Variants in MYH14 observed in about 807,000 individuals in gnomAD.
MYH14 encodes myosin heavy chain 14.
A neutral mutation model predicts 255.5 loss-of-function variants in MYH14; 123 were observed. That is an observed-to-expected ratio of 0.48 (90% CI 0.42 to 0.56). The LOEUF is 0.56. MYH14 is among the 20% of genes least tolerant of loss of function. The pLI is 0.00. For synonymous variants in MYH14, 1,095 were observed against 1,161.2 expected (o/e 0.94, Z 1.16); for missense variants, 2,423 against 2,802.3 (o/e 0.86, Z 3.06).
intron 34 of MYH14, among the ~76,000 whole-genome samples, chr19:50,286,986 C>T (rs1398292119): frequency 6.6e-6 from 1 of 152,084 alleles, no homozygotes; most frequent in Non-Finnish European, 1.5e-5. Flanking sequence ...GGCATGGTGG[C>T]ACATGCCTGT....
At position 50,225,294 on chromosome 19, in the gene MYH14, C is replaced by T. The variant is rs590217; in HGVS notation, c.718-291C>T. On this transcript the variant is annotated intron_variant, in intron 6 of 42. Coordinates refer to ENST00000642316, the MANE Select transcript of MYH14 (RefSeq NM_001145809.2). Reference sequence around the variant, plus strand: ...GTTTTGTGGCGTTTCTTCCTTAATTCATTTCTTATTAATGGGATAACATTG... The same window carrying T: ...GTTTTGTGGCGTTTCTTCCTTAATTTATTTCTTATTAATGGGATAACATTG... Among the ~76,000 whole-genome samples, 1,958 of 152,266 alleles carry T rather than the reference C, an allele frequency of 0.013. 79 individuals carry two copies. The East Asian group carries it at 0.15, about 11-fold the overall frequency.
intron 22 of MYH14, among the ~76,000 whole-genome samples, chr19:50,263,986 G>T (rs2034984090): frequency 6.8e-6 from 1 of 146,728 alleles, no homozygotes; most frequent in Non-Finnish European, 1.5e-5. Context: ...AAACCTAGGA[G>T]GTGGAGGTTG....
Position 50,293,098 on chromosome 19 carries a change from C to A in MYH14, c.5257-135C>A. 1.4e-6 allele frequency: 1 copy of A among 697,964 alleles called. No individual in the cohort carries two copies. The allele number at this position is 697,964 out of a possible 1,614,324, so 43.2% of individuals were successfully genotyped here. A position where few individuals can be genotyped will look rare whatever the true frequency, so the allele number is the denominator to read the frequency against. Reference sequence around the variant, plus strand: ...TTTAGGAGACATCTGTAGGTTGCAGCTCATTCCAGGGTTACCCAGGGACAG... The same window carrying A: ...TTTAGGAGACATCTGTAGGTTGCAGATCATTCCAGGGTTACCCAGGGACAG... On this transcript the variant is annotated intron_variant, in intron 37 of 42. Coordinates refer to ENST00000642316, the MANE Select transcript of MYH14 (RefSeq NM_001145809.2). The surrounding 1 kb of genome is among the most constrained non-coding windows in gnomAD (Gnocchi z 4.1).
Position 50,280,116 on chromosome 19 carries a change from C to T in MYH14, c.4112C>T (p.Thr1371Ile). 1 of 1,607,494 alleles carries T rather than the reference C, an allele frequency of 6.2e-7. No homozygotes were observed. The highest frequency in any genetic ancestry group is 8.5e-7 in the Non-Finnish European group (1 of 1,177,140). ...TIRLSKELSSTEAQLHDAQEL... is the reference protein window; with the variant it reads ...TIRLSKELSSIEAQLHDAQEL... The stretch of plus-strand genomic sequence containing the variant: ...CGTCTTAGCAAGGAGCTGAGCAGCA[C>T]AGAAGCCCAGCTGCACGATGCCCAG... The change falls in exon 31 of 43, where the codon ACA (threonine) becomes ATA (isoleucine). Residue 1371 changes from threonine (T) to isoleucine (I), a missense_variant. Transcript: ENST00000642316. This position sits in a 1 kb window ranked among gnomAD's most constrained non-coding sequence, Gnocchi z 4.8.
At chr19:50,308,762 C>T (rs2036738956) in intron 41 of MYH14, 1 of 520,714 alleles carries the variant, frequency 1.9e-6, no homozygotes, top group Non-Finnish European at 3.4e-6. Flanking sequence ...TCTGGGTCAG[C>T]TCTGGGTATA....
At position 50,276,994 on chromosome 19, in the gene MYH14, T is replaced by C. The variant is rs2123408765; in HGVS notation, c.3825+93T>C. 1 of 928,108 alleles carries C rather than the reference T, an allele frequency of 1.1e-6. No homozygotes were observed. The highest frequency in any genetic ancestry group is 1.6e-5 in the South Asian group (1 of 62,658). The allele number at this position is 928,108 out of a possible 1,614,324, so 57.5% of individuals were successfully genotyped here. A position where few individuals can be genotyped will look rare whatever the true frequency, so the allele number is the denominator to read the frequency against. On this transcript the variant is annotated intron_variant, in intron 29 of 42. Transcript: ENST00000642316. This position sits in a 1 kb window ranked among gnomAD's most constrained non-coding sequence, Gnocchi z 4.3. Reference sequence around the variant, plus strand: ...GAGGTACCGCTGGCTGGTTCTAGGCTAGCTCATCTCCCTGGGCCCCTTTCC... The same window carrying C: ...GAGGTACCGCTGGCTGGTTCTAGGCCAGCTCATCTCCCTGGGCCCCTTTCC...
In MYH14 at chr19:50,280,259, A is replaced by G. The variant is rs1159026652; in HGVS notation, c.4166A>G (p.Lys1389Arg). The G allele has an allele frequency of 1.0e-5, 16 of 1,551,534 alleles. No homozygotes were observed. The highest frequency in any genetic ancestry group is 2.0e-5 in the Admixed American group (1 of 50,970). ...QELLQEETRA[K>R]LALGSRVRAM... is the part of the protein sequence containing the mutation. ...CTGCTGCAGGAGGAGACCAGGGCGA[A>G]ATTGGCCTTGGGGTCCCGGGTGCGA... The change falls in exon 32 of 43, where the codon AAA becomes AGA. Residue 1389 changes from lysine to arginine, a missense_variant. Transcript: ENST00000642316. The surrounding 1 kb of genome is among the most constrained non-coding windows in gnomAD (Gnocchi z 4.8).
chr19:50,255,626 A>C (rs1267504224), intron 17 of MYH14, among the ~76,000 whole-genome samples: 2 of 152,140 alleles, frequency 1.3e-5, no homozygotes, highest in African/African-American at 4.8e-5. Context: ...CCCATTACAC[A>C]AATGAGGAAA....
At chr19:50,291,698 C>G (rs1410101834) in intron 36 of MYH14, among the ~76,000 whole-genome samples, 2 of 151,968 alleles carry the variant, frequency 1.3e-5, no homozygotes, top group Admixed American at 1.3e-4. Context: ...AACCCTGTTT[C>G]TACTAAAAAT....
chr19:50,280,455 AG>A lies in MYH14; in HGVS notation c.4290+75del. On this transcript the variant is annotated intron_variant, in intron 32 of 42. Transcript: ENST00000642316. This position sits in a 1 kb window ranked among gnomAD's most constrained non-coding sequence, Gnocchi z 4.8. ...CTGCTCCTCCTGGGTTCCCCAGCTCAGGGATGGCCATGCTGCCCACCTTCTC... is the reference window on the plus strand; with the variant it reads ...CTGCTCCTCCTGGGTTCCCCAGCTCAGGATGGCCATGCTGCCCACCTTCTC... 3 of 1,429,694 alleles carry A rather than the reference AG, an allele frequency of 2.1e-6. No homozygotes were observed. The highest frequency in any genetic ancestry group is 2.8e-6 in the Non-Finnish European group (3 of 1,076,770). 88.6% of individuals were successfully genotyped at this position (1,429,694 alleles called of 1,614,324 possible).
chr19:50,219,330 A>G (rs911397223), intron 3 of MYH14, among the ~76,000 whole-genome samples: 3 of 151,734 alleles, frequency 2.0e-5, no homozygotes, highest in Non-Finnish European at 4.4e-5. Flanking sequence ...CAAATGATAT[A>G]TCTACTTTTG....
intron 17 of MYH14, among the ~76,000 whole-genome samples, chr19:50,257,074 A>G (rs890929337): frequency 3.9e-5 from 6 of 152,194 alleles, no homozygotes; most frequent in Admixed American, 3.9e-4. Context: ...CTAATCTCGG[A>G]TCTTCAGTTT....
intron 21 of MYH14, 21 bp downstream of exon 21, chr19:50,261,656 C>T (rs781104205): frequency 1.1e-5 from 17 of 1,569,836 alleles, no homozygotes; most frequent in Admixed American, 1.1e-4. Context: ...ACGCTGTCTC[C>T]CGGGGTCCTG....
intron 11 of MYH14, among the ~76,000 whole-genome samples, chr19:50,246,117 T>TTCCTTCCC (rs2034114463): frequency 8.6e-6 from 1 of 116,686 alleles, no homozygotes; most frequent in Admixed American, 1.0e-4. Context: ...CCTTTCTTCC[T>TTCCTTCCC]TCCTTCCTTC....
At chr19:50,289,685 G>C (rs770555618) in intron 35 of MYH14, 37 bp downstream of exon 35, 27 of 1,556,938 alleles carry the variant, frequency 1.7e-5, no homozygotes, top group Non-Finnish European at 2.3e-5. Context: ...TGCCAGTCCA[G>C]CTGGGGTATG....
chr19:50,268,422 A>G (rs2035175801), intron 24 of MYH14, 55 bp downstream of exon 24: 1 of 1,509,340 alleles, frequency 6.6e-7, no homozygotes, highest in Non-Finnish European at 8.9e-7. Context: ...TGTCTACACC[A>G]TCCACCTTTG....
chr19:50,244,216 CGTG>C, intron 10 of MYH14, 23 bp from the exon 11 acceptor site: 1 of 1,606,762 alleles, frequency 6.2e-7, no homozygotes, highest in South Asian at 1.1e-5. Flanking sequence ...CAGAGCCACA[CGTG>C]ACCTCTGTCC....
rs1355927699 is a variant in MYH14 at position 50,289,660 on chromosome 19, C to T, written c.4965+12C>T. 6.3e-6 allele frequency: 10 copies of T among 1,596,128 alleles called. No individual in the cohort carries two copies. The highest frequency in any genetic ancestry group is 8.5e-6 in the Non-Finnish European group (10 of 1,172,586). On this transcript the variant is annotated intron_variant, in intron 35 of 42. Coordinates refer to ENST00000642316, the MANE Select transcript of MYH14 (RefSeq NM_001145809.2). Reference sequence around the variant, plus strand: ...AGCTGGCCAAGCAGGTATTGTCACACAGAAGGCCACAGGGTGCCAGTCCAG... The same window carrying T: ...AGCTGGCCAAGCAGGTATTGTCACATAGAAGGCCACAGGGTGCCAGTCCAG...
intron 16 of MYH14, among the ~76,000 whole-genome samples, chr19:50,253,081 A>G (rs1487731064): frequency 1.3e-5 from 2 of 152,214 alleles, no homozygotes; most frequent in Admixed American, 6.5e-5. Flanking sequence ...TCAGACCAGA[A>G]AAAGTATGAA....
Sources: gnomAD v4.1 joint callset for allele counts (sites outside exome capture counted in the v4.1 genomes callset) on GRCh38, gnomAD v4.1.1 for gene constraint, Gnocchi (gnomAD v3.1) non-coding constraint, MANE v1.5 for transcripts, NCBI Gene and HGNC (gene_info 2026-07-23, HGNC 2026-07-21) for gene names.